Variants in GPR108 observed in about 807,000 individuals in gnomAD.
GPR108 encodes G protein-coupled receptor 108, also known as protein GPR108.
GPR108 carries 60 observed loss-of-function variants against 74.3 expected under a neutral mutation model. The ratio of observed to expected loss-of-function variants is 0.81; its 90% CI spans 0.66 to 1.00. GPR108 has a LOEUF of 1.00. Among genes scored for constraint, GPR108 ranks in the 50% least tolerant of loss-of-function variants. GPR108 has a pLI of 0.00. For synonymous variants in GPR108, 311 were observed against 292.4 expected (o/e 1.06, Z -0.65); for missense variants, 667 against 703.3 (o/e 0.95, Z 0.58).
intron 17 of GPR108, 152 bp downstream of exon 17, chr19:6,730,835 C>G: frequency 2.1e-6 from 2 of 939,056 alleles, no homozygotes; most frequent in Non-Finnish European, 3.2e-6. Context: ...TGCCCCCCAT[C>G]TCCCCTCCAT....
Position 6,736,625 on chromosome 19 carries a change from C to A in GPR108, c.207G>T (p.Leu69=). Residue 69 remains leucine, a synonymous_variant, in exon 2 of 18, where the codon CTG becomes CTT. Transcript: ENST00000264080. ...ACTTCTCTTCTGCCTCCCGGAGGCC[C>A]AGCCGCAGGACGCTCAACTCCACCT... ...SLEVELSVLR[L]GLREAEEKSL... 2 of 1,614,126 alleles carry A rather than the reference C, an allele frequency of 1.2e-6. No individual in the cohort carries two copies. Among genetic ancestry groups the A allele is most frequent in the Non-Finnish European group, 1.7e-6 (2 of 1,180,004 alleles).
At chr19:6,735,422 T>G in intron 4 of GPR108, 200 bp downstream of exon 4, 1 of 567,810 alleles carries the variant, frequency 1.8e-6, no homozygotes, top group Non-Finnish European at 3.1e-6. Flanking sequence ...TGTATCCGGG[T>G]CTTCTGCCCT....
chr19:6,735,403 A>G (rs1032044924), intron 4 of GPR108: 1 of 540,430 alleles, frequency 1.9e-6, no homozygotes, highest in Non-Finnish European at 3.3e-6. Flanking sequence ...CATTCTCACA[A>G]CAACCCTCTG....
In GPR108 at chr19:6,731,062, T is replaced by C; in HGVS notation, c.1484A>G (p.Lys495Arg). The change falls in exon 17 of 18, where the codon AAG becomes AGG. Residue 495 changes from lysine to arginine, a missense_variant. Transcript: ENST00000264080. ...TLAFFVLTGY[K>R]FQPTGNNPYL... ...CGGGTTGTTTCCTGTGGGCTGGAAC[T>C]TGTAGCCCGTGAGCACGAAGAAGGC... 1.2e-6 allele frequency: 2 copies of C among 1,613,534 alleles called. No homozygotes were observed. The highest frequency in any genetic ancestry group is 1.7e-5 in the Admixed American group (1 of 60,004).
intron 1 of GPR108, 25 bp from the exon 2 acceptor site, chr19:6,736,736 G>A (rs770941293): frequency 5.6e-6 from 9 of 1,613,746 alleles, no homozygotes; most frequent in Admixed American, 3.3e-5. Flanking sequence ...GGAGGCAGAG[G>A]CAGTTCAGAC....
chr19:6,733,998 C>G lies in GPR108; in HGVS notation c.549+7G>C. ...GCATCTTCCCTCCTGCCCCGCCTCC[C>G]CGAAACCTGAATCACTGCGGGTGTT... On this transcript the variant is annotated splice_region_variant and intron_variant, in intron 6 of 17. Coordinates refer to ENST00000264080, the MANE Select transcript of GPR108 (RefSeq NM_001080452.2). 1 of 1,614,182 alleles carries G rather than the reference C, an allele frequency of 6.2e-7. No individual in the cohort carries two copies. Among genetic ancestry groups the G allele is most frequent in the Non-Finnish European group, 8.5e-7 (1 of 1,180,022 alleles).
chr19:6,736,784 G>A lies in GPR108; in HGVS notation c.121-73C>T, dbSNP rs1282633079. ...GCCCAGCCCCAGGGGTCTGGCACGA[G>A]GACCTCCAGAAGGGCCTCCTGGTAC... On this transcript the variant is annotated intron_variant, in intron 1 of 17. Transcript: ENST00000264080. 4 of 1,604,932 alleles carry A rather than the reference G, an allele frequency of 2.5e-6. No homozygotes were observed. The African/African-American group carries it at 4.0e-5, about 16-fold the overall frequency.
chr19:6,731,582 G>C (rs890087440), intron 14 of GPR108, 60 bp from the exon 15 acceptor site: 1 of 933,538 alleles, frequency 1.1e-6, no homozygotes. Flanking sequence ...GAGGGGAGGG[G>C]GCTGGGGGCT....
Position 6,737,198 on chromosome 19 carries a change from A to AG in GPR108, c.120+258dup, listed in dbSNP as rs1355594687. 8.2e-5 allele frequency: 41 copies of AG among 498,840 alleles called. 1 individual carries two copies. The Admixed American group carries it at 1.3e-3, about 15-fold the overall frequency. The allele number at this position is 498,840 out of a possible 1,614,324, so 30.9% of individuals were successfully genotyped here. Reference sequence around the variant, plus strand: ...AAGGACTAAGACCCAGTTGGGGGGAAGGGGGGTGTAGTCCCCAAGAGATGG... The same window carrying AG: ...AAGGACTAAGACCCAGTTGGGGGGAAGGGGGGGTGTAGTCCCCAAGAGATGG... On this transcript the variant is annotated intron_variant, in intron 1 of 17. Transcript: ENST00000264080.
In GPR108 at chr19:6,737,139, T is replaced by C. The variant is rs533609284; in HGVS notation, c.120+318A>G. 2.4e-3 allele frequency: 948 copies of C among 395,478 alleles called. 6 individuals carry two copies. The highest frequency in any genetic ancestry group is 4.6e-3 in the South Asian group (140 of 30,536). 24.5% of individuals were successfully genotyped at this position (395,478 alleles called of 1,614,324 possible). ...AGGACCCCGCTGTGCGGCTCCAGGG[T>C]CTCTAGCGCCCCAAAAGTGATTCCA... On this transcript the variant is annotated intron_variant, in intron 1 of 17. Coordinates refer to ENST00000264080, the MANE Select transcript of GPR108 (RefSeq NM_001080452.2).
At chr19:6,737,059 A>C in intron 1 of GPR108, 1 of 386,116 alleles carries the variant, frequency 2.6e-6, no homozygotes, top group Non-Finnish European at 4.8e-6. Context: ...CAATATTTCA[A>C]CAGAACCCCC....
In GPR108 at chr19:6,737,571, T is replaced by C. The variant is rs537539888; in HGVS notation, c.6A>G (p.Ala2=). The C allele has an allele frequency of 1.3e-6, 2 of 1,495,186 alleles. No homozygotes were observed. Among genetic ancestry groups the C allele is most frequent in the Admixed American group, 4.5e-5 (2 of 44,096 alleles). The allele number at this position is 1,495,186 out of a possible 1,614,324, so 92.6% of individuals were successfully genotyped here. A position where few individuals can be genotyped will look rare whatever the true frequency, so the allele number is the denominator to read the frequency against. M[A]VSERRGLGRG... ...GGCCGAGCCCCCTCCTCTCGCTCACTGCCATCTCTGGAGCCACCTCCTCCC... is the reference window on the plus strand; with the variant it reads ...GGCCGAGCCCCCTCCTCTCGCTCACCGCCATCTCTGGAGCCACCTCCTCCC... The change falls in exon 1 of 18, where the codon GCA becomes GCG. Residue 2 remains alanine, a synonymous_variant. Transcript: ENST00000264080.
At position 6,732,445 on chromosome 19, in the gene GPR108, C is replaced by T. The variant is rs748771879; in HGVS notation, c.1007+31G>A. ...CCAACCCTCCCCTGCCTGCCTCCCC[C>T]CAGCTGCCCAGCAGAGTGGGGGACA... is the stretch of plus-strand genomic sequence containing the variant. On this transcript the variant is annotated intron_variant, in intron 11 of 17. Transcript: ENST00000264080. 9 of 1,612,782 alleles carry T rather than the reference C, an allele frequency of 5.6e-6. No homozygotes were observed. The African/African-American group carries it at 1.2e-4, about 22-fold the overall frequency.
At chr19:6,734,156 C>T (rs1968536771) in intron 5 of GPR108, 27 bp downstream of exon 5, 1 of 1,614,138 alleles carries the variant, frequency 6.2e-7, no homozygotes, top group Non-Finnish European at 8.5e-7. Context: ...CCCATCCACC[C>T]CCGTCTGCAC....
At chr19:6,735,413 G>A in intron 4 of GPR108, 1 of 561,332 alleles carries the variant, frequency 1.8e-6, no homozygotes, top group South Asian at 2.2e-5. Context: ...ACAACCCTCT[G>A]TATCCGGGTC....
chr19:6,733,382 GCT>G (rs1218203461), intron 8 of GPR108, 81 bp from the exon 9 acceptor site: 2 of 1,453,788 alleles, frequency 1.4e-6, no homozygotes, highest in Admixed American at 1.9e-5. Context: ...GGGGTCTCCA[GCT>G]CTCTCACTTT....
rs1968356142 is a variant in GPR108 at position 6,730,665 on chromosome 19, C to T, written c.1560-281G>A. Reference sequence around the variant, plus strand: ...CCGCCCACCTTACTGCCATAGCAGCCCAGGCCCCACCCGTTCTACCCGAAC... The same window carrying T: ...CCGCCCACCTTACTGCCATAGCAGCTCAGGCCCCACCCGTTCTACCCGAAC... On this transcript the variant is annotated intron_variant, in intron 17 of 17. Transcript: ENST00000264080. 3.7e-5 allele frequency: 21 copies of T among 566,094 alleles called. No homozygotes were observed. The South Asian group carries it at 4.2e-4, about 11-fold the overall frequency. 35.1% of individuals were successfully genotyped at this position (566,094 alleles called of 1,614,324 possible).
At position 6,731,580 on chromosome 19, in the gene GPR108, G is replaced by A. The variant is rs1968404313; in HGVS notation, c.1301-58C>T. 2.7e-5 allele frequency: 25 copies of A among 936,010 alleles called. No individual in the cohort carries two copies. The South Asian group carries it at 4.2e-4, about 16-fold the overall frequency. The allele number at this position is 936,010 out of a possible 1,614,324, so 58.0% of individuals were successfully genotyped here. On this transcript the variant is annotated intron_variant, in intron 14 of 17. Transcript: ENST00000264080. ...AGACTGAGGGTGGGAGGGAGGGGAGGGGGCTGGGGGCTGGGAGAGGTGACA... is the reference window on the plus strand; with the variant it reads ...AGACTGAGGGTGGGAGGGAGGGGAGAGGGCTGGGGGCTGGGAGAGGTGACA...
intron 17 of GPR108, among the ~76,000 whole-genome samples, 200 bp downstream of exon 17, chr19:6,730,787 C>T (rs1463966416): frequency 1.3e-5 from 2 of 150,988 alleles, no homozygotes; most frequent in Non-Finnish European, 3.0e-5. Flanking sequence ...TTAGGTACTC[C>T]ACAGCTGTCC....
Sources: gnomAD v4.1 joint callset for allele counts (sites outside exome capture counted in the v4.1 genomes callset) on GRCh38, gnomAD v4.1.1 for gene constraint, MANE v1.5 for transcripts, NCBI Gene and HGNC (gene_info 2026-07-23, HGNC 2026-07-21) for gene names.